MEGF8: variants seen among roughly 807,000 people sequenced by gnomAD.
MEGF8 encodes the protein multiple epidermal growth factor-like domains protein 8.
MEGF8 carries 156 observed loss-of-function variants against 302.9 expected under a neutral mutation model. The ratio of observed to expected loss-of-function variants is 0.52; its 90% CI spans 0.45 to 0.59. The LOEUF (loss-of-function observed/expected upper bound fraction) is 0.59. MEGF8 is among the 20% of genes least tolerant of loss of function. The pLI is 0.00. For missense variants in MEGF8, 3,345 were observed against 3,964.5 expected (o/e 0.84, Z 4.20); for synonymous variants, 1,621 against 1,660.5 (o/e 0.98, Z 0.58).
chr19:42,354,604 C>A lies in MEGF8; in HGVS notation c.4028C>A (p.Ala1343Glu). ...STPCTLSYVLAFDGFPRFLDT... is the reference protein window; with the variant it reads ...STPCTLSYVLEFDGFPRFLDT... Reference sequence around the variant, plus strand: ...CCCCTCTAGCTGAGCTACGTCCTGGCGTTTGATGGATTCCCACGCTTCCTG... The same window carrying A: ...CCCCTCTAGCTGAGCTACGTCCTGGAGTTTGATGGATTCCCACGCTTCCTG... Residue 1343 changes from alanine (A) to glutamate (E), a missense_variant, in exon 23 of 42, where the codon GCG (alanine) becomes GAG (glutamate). Physicochemically the swap from Ala to Glu is moderately radical, Grantham distance 107. Coordinates refer to ENST00000251268, the MANE Select transcript of MEGF8 (RefSeq NM_001271938.2). The surrounding 1 kb of genome is among the most constrained non-coding windows in gnomAD (Gnocchi z 4.3). 1 of 1,612,636 alleles carries A rather than the reference C, an allele frequency of 6.2e-7. No individual in the cohort carries two copies. Among genetic ancestry groups the A allele is most frequent in the Non-Finnish European group, 8.5e-7 (1 of 1,179,466 alleles).
In MEGF8 at chr19:42,352,880, G is replaced by T. The variant is rs1306703269; in HGVS notation, c.3351-48G>T. The T allele has an allele frequency of 2.2e-6, 3 of 1,375,938 alleles. No homozygotes were observed. The Admixed American group carries it at 6.0e-5, about 28-fold the overall frequency. The allele number at this position is 1,375,938 out of a possible 1,614,324, so 85.2% of individuals were successfully genotyped here. ...GTGGAGATGATGGGGTGCTTTAGGG[G>T]CTCTGGGCCTGCCTGGCGCTTTCCC... On this transcript the variant is annotated intron_variant, in intron 19 of 41. Transcript: ENST00000251268. This position sits in a 1 kb window ranked among gnomAD's most constrained non-coding sequence, Gnocchi z 4.4.
In MEGF8 at chr19:42,354,125, T is replaced by C; in HGVS notation, c.4011+101T>C. ...CCTGACCCTAGTATTGCTGTTTTTT[T>C]TTTTTTGTTTTTTTAATCCTTCAAA... On this transcript the variant is annotated intron_variant, in intron 22 of 41. Transcript: ENST00000251268. This position sits in a 1 kb window ranked among gnomAD's most constrained non-coding sequence, Gnocchi z 4.3. 1 of 1,391,628 alleles carries C rather than the reference T, an allele frequency of 7.2e-7. No individual in the cohort carries two copies. Among genetic ancestry groups the C allele is most frequent in the South Asian group, 1.5e-5 (1 of 66,344 alleles). The allele number at this position is 1,391,628 out of a possible 1,614,324, so 86.2% of individuals were successfully genotyped here.
rs775675786 is a variant in MEGF8, at chr19:42,356,047, G to A, written c.4393-36G>A. 6.3e-7 allele frequency: 1 copy of A among 1,599,558 alleles called. No individual in the cohort carries two copies. Among genetic ancestry groups the A allele is most frequent in the Non-Finnish European group, 8.5e-7 (1 of 1,170,040 alleles). On this transcript the variant is annotated intron_variant, in intron 24 of 41. Transcript: ENST00000251268. This position sits in a 1 kb window ranked among gnomAD's most constrained non-coding sequence, Gnocchi z 5.2. ...GCAAGTCTGGTGGGACAGGGCTGGTGATCAGGGCTCCCCTGAGTCCCTTGT... is the reference window on the plus strand; with the variant it reads ...GCAAGTCTGGTGGGACAGGGCTGGTAATCAGGGCTCCCCTGAGTCCCTTGT...
In MEGF8 at chr19:42,354,680, C is replaced by T. The variant is rs370189807; in HGVS notation, c.4104C>T (p.Gly1368=). Residue 1368 remains glycine (G), a synonymous_variant, in exon 23 of 42, where the codon GGC becomes GGT. Coordinates refer to ENST00000251268, the MANE Select transcript of MEGF8 (RefSeq NM_001271938.2). The surrounding 1 kb of genome is among the most constrained non-coding windows in gnomAD (Gnocchi z 4.3). ...GCAGCCTCATAGCTGCCTTCTGCGG[C>T]CAGCGACGGGACAGGCCCCTCACTG... The part of the protein sequence containing the change: ...SDRSLIAAFC[G]QRRDRPLTVQ... 1.2e-6 allele frequency: 2 copies of T among 1,610,614 alleles called. No individual in the cohort carries two copies. Among genetic ancestry groups the T allele is most frequent in the Non-Finnish European group, 1.7e-6 (2 of 1,179,782 alleles).
chr19:42,340,575 C>A (rs1001375423), intron 8 of MEGF8, among the ~76,000 whole-genome samples: 2 of 152,072 alleles, frequency 1.3e-5, no homozygotes, highest in African/African-American at 4.8e-5. Flanking sequence ...CTGTGTTGAC[C>A]TTGTGATCTG....
intron 3 of MEGF8, 59 bp from the exon 4 acceptor site, chr19:42,334,976 G>T (rs1005619172): frequency 1.3e-6 from 2 of 1,507,336 alleles, no homozygotes; most frequent in African/African-American, 1.4e-5. Context: ...TGTCTCCTTT[G>T]TCTCTCTGTC....
At chr19:42,373,501 C>T (rs2039721346) in intron 41 of MEGF8, among the ~76,000 whole-genome samples, 1 of 151,710 alleles carries the variant, frequency 6.6e-6, no homozygotes, top group Non-Finnish European at 1.5e-5. Flanking sequence ...CCCTGGTTTC[C>T]ATCATCCTCC....
At chr19:42,370,051 C>T (rs1215125869) in intron 38 of MEGF8, 138 bp from the exon 39 acceptor site, 6 of 998,410 alleles carry the variant, frequency 6.0e-6, no homozygotes, top group South Asian at 1.6e-5. Context: ...GGCTAAATCC[C>T]GCTGGGATTG....
Position 42,335,990 on chromosome 19 carries a change from T to G in MEGF8, c.888T>G (p.Gly296=). Residue 296 remains glycine, a synonymous_variant, in exon 6 of 42, where the codon GGT becomes GGG. Transcript: ENST00000251268. The part of the protein sequence containing the change: ...AWAGSLVLMG[G]ELADGSLTND... ...CCGGCTCCCTGGTACTGATGGGTGG[T>G]GAGCTGGCTGACGGCTCGCTCACCA... is the stretch of plus-strand genomic sequence containing the variant. The G allele has an allele frequency of 6.5e-7, 1 of 1,537,752 alleles. No individual in the cohort carries two copies. Among genetic ancestry groups the G allele is most frequent in the Non-Finnish European group, 8.7e-7 (1 of 1,142,932 alleles).
Position 42,348,289 on chromosome 19 carries a change from C to G in MEGF8, c.2115C>G (p.Ser705Arg). The change falls in exon 13 of 42, where the codon AGC becomes AGG. Residue 705 changes from serine to arginine, a missense_variant. Ser to Arg is a moderately radical substitution (Grantham distance 110). Coordinates refer to ENST00000251268, the MANE Select transcript of MEGF8 (RefSeq NM_001271938.2). ...SQPDKVSIVRSTTITLTPSAE... is the reference protein window; with the variant it reads ...SQPDKVSIVRRTTITLTPSAE... ...TGGCACAGGTCTCAATTGTCCGCAG[C>G]ACGACCATCACCCTAACACCCAGCG... 1 of 1,537,434 alleles carries G rather than the reference C, an allele frequency of 6.5e-7. No individual in the cohort carries two copies. The highest frequency in any genetic ancestry group is 2.4e-5 in the East Asian group (1 of 40,926).
Position 42,358,339 on chromosome 19 carries a change from A to G in MEGF8, c.5175+32A>G, listed in dbSNP as rs1409613198. ...AAAAGAGGCTCAGACCCAAGGATGT[A>G]TGGGGCAGGAGGGAGGGGTCCTCTT... On this transcript the variant is annotated intron_variant, in intron 29 of 41. Transcript: ENST00000251268. The surrounding 1 kb of genome is among the most constrained non-coding windows in gnomAD (Gnocchi z 4.4). The G allele has an allele frequency of 3.2e-6, 5 of 1,571,972 alleles. No individual in the cohort carries two copies. The highest frequency in any genetic ancestry group is 1.2e-5 in the South Asian group (1 of 84,596).
Position 42,344,459 on chromosome 19 carries a change from C to T in MEGF8, c.1807C>T (p.Leu603=), listed in dbSNP as rs2039259297. The T allele has an allele frequency of 1.3e-6, 2 of 1,594,226 alleles. No homozygotes were observed. Among genetic ancestry groups the T allele is most frequent in the African/African-American group, 2.7e-5 (2 of 74,776 alleles). The change falls in exon 11 of 42, where the codon CTG becomes TTG. Residue 603 remains leucine (L), a synonymous_variant. Transcript: ENST00000251268. The surrounding 1 kb of genome is among the most constrained non-coding windows in gnomAD (Gnocchi z 4.5). The part of the protein sequence containing the change: ...PLGACPAASC[L]GLGRLLGDCQ... ...CTCGCAGTGTCCAGCCGCCAGCTGC[C>T]TGGGCCTGGGCCGCCTCCTGGGTGA...
In MEGF8 at chr19:42,375,655, G is replaced by A. The variant is rs2039755882; in HGVS notation, c.7418G>A (p.Gly2473Asp). The A allele has an allele frequency of 6.2e-7, 1 of 1,610,226 alleles. No homozygotes were observed. Among genetic ancestry groups the A allele is most frequent in the Non-Finnish European group, 8.5e-7 (1 of 1,178,768 alleles). ...CCCAAACGCCGGGCGCTAGGCCCCG[G>A]CCGCACTGTCCTCTTTGGCGTGCAG... ...HEPKRRALGPGRTVLFGVQPK... is the reference protein window; with the variant it reads ...HEPKRRALGPDRTVLFGVQPK... Residue 2473 changes from glycine (G) to aspartate (D), a missense_variant, in exon 42 of 42, where the codon GGC becomes GAC. Gly to Asp is a moderately conservative substitution (Grantham distance 94). Coordinates refer to ENST00000251268, the MANE Select transcript of MEGF8 (RefSeq NM_001271938.2). The surrounding 1 kb of genome is among the most constrained non-coding windows in gnomAD (Gnocchi z 7.1).
chr19:42,363,208 T>A lies in MEGF8; in HGVS notation c.6219T>A (p.Ser2073=). 6.2e-7 allele frequency: 1 copy of A among 1,611,362 alleles called. No individual in the cohort carries two copies. The highest frequency in any genetic ancestry group is 8.5e-7 in the Non-Finnish European group (1 of 1,178,878). ...CCAACTGTACCTCCTGCCTGGACTC[T>A]AAGGGAGCAGATGGGGGCTGGCAGC... ...LLPNCTSCLD[S]KGADGGWQHC... is the part of the protein sequence containing the mutation. The change falls in exon 35 of 42, where the codon TCT becomes TCA. Residue 2073 remains serine, a synonymous_variant. Transcript: ENST00000251268.
At chr19:42,364,723 T>G (rs1178215947) in intron 35 of MEGF8, among the ~76,000 whole-genome samples, 1 of 152,174 alleles carries the variant, frequency 6.6e-6, no homozygotes, top group Admixed American at 6.5e-5. Context: ...TGGGTTTGAC[T>G]CCAACTTGGC....
rs1216480538 is a variant in MEGF8, at chr19:42,375,574, C to T, written c.7337C>T (p.Ser2446Leu). The T allele has an allele frequency of 3.8e-6, 6 of 1,597,050 alleles. No homozygotes were observed. The highest frequency in any genetic ancestry group is 2.3e-5 in the East Asian group (1 of 44,002). ...LGGQQCYRLI[S>L]VEQECCLDPT... ...GGCCAGCAGTGCTACCGCCTCATCTCGGTGGAGCAGGAGTGCTGCCTGGAC... is the reference window on the plus strand; with the variant it reads ...GGCCAGCAGTGCTACCGCCTCATCTTGGTGGAGCAGGAGTGCTGCCTGGAC... The change falls in exon 42 of 42, where the codon TCG becomes TTG. Residue 2446 changes from serine (S) to leucine (L), a missense_variant. Coordinates refer to ENST00000251268, the MANE Select transcript of MEGF8 (RefSeq NM_001271938.2). The surrounding 1 kb of genome is among the most constrained non-coding windows in gnomAD (Gnocchi z 7.1).
At chr19:42,338,938 G>C (rs910271162) in intron 8 of MEGF8, among the ~76,000 whole-genome samples, 2 of 114,892 alleles carry the variant, frequency 1.7e-5, no homozygotes, top group Admixed American at 2.1e-4. Context: ...AGGTTCAAGC[G>C]ATTCTCCTGC....
At chr19:42,361,912 G>C (rs972303675) in intron 32 of MEGF8, among the ~76,000 whole-genome samples, 178 bp from the exon 33 acceptor site, 3 of 152,196 alleles carry the variant, frequency 2.0e-5, no homozygotes, top group Admixed American at 2.0e-4. Flanking sequence ...TCTCCAGCCT[G>C]GGTGACAGGT....
Position 42,348,485 on chromosome 19 carries a change from GGGACA to G in MEGF8, c.2298+14_2298+18del. 6.6e-7 allele frequency: 1 copy of G among 1,504,066 alleles called. No individual in the cohort carries two copies. Among genetic ancestry groups the G allele is most frequent in the Non-Finnish European group, 8.9e-7 (1 of 1,125,512 alleles). 93.2% of individuals were successfully genotyped at this position (1,504,066 alleles called of 1,614,324 possible). A position where few individuals can be genotyped will look rare whatever the true frequency, so the allele number is the denominator to read the frequency against. ...CACGGAGAACATGGTGAGGCCGCCT[GGGACA>G]TTCAGGGGGTTGTTTATGGTAAATA... On this transcript the variant is annotated intron_variant, in intron 13 of 41. Transcript: ENST00000251268.
Sources: gnomAD v4.1 joint callset for allele counts (sites outside exome capture counted in the v4.1 genomes callset) on GRCh38, gnomAD v4.1.1 for gene constraint, Gnocchi (gnomAD v3.1) non-coding constraint, MANE v1.5 for transcripts, NCBI Gene and HGNC (gene_info 2026-07-23, HGNC 2026-07-21) for gene names.